The following ATF7IP2 variants were observed in gnomAD, a reference collection of about 807,000 sequenced individuals.
The protein encoded by ATF7IP2 is activating transcription factor 7-interacting protein 2.
ATF7IP2 carries 42 observed loss-of-function variants against 64.2 expected under a neutral mutation model. The observed-to-expected ratio is 0.65, with a 90% CI of 0.51 to 0.85. ATF7IP2 has a LOEUF of 0.85. Ranked by LOEUF, ATF7IP2 falls within the 40% of genes least tolerant of loss-of-function variation. ATF7IP2 has a pLI of 0.00. For synonymous variants in ATF7IP2, 308 were observed against 272.8 expected (o/e 1.13, Z -1.27); for missense variants, 933 against 784.2 (o/e 1.19, Z -2.27).
intron 8 of ATF7IP2, among the ~76,000 whole-genome samples, chr16:10,441,145 T>A (rs1473207717): frequency 6.6e-6 from 1 of 152,244 alleles, no homozygotes; most frequent in African/African-American, 2.4e-5. Flanking sequence ...TTATCCAGTC[T>A]ATCATTGACG....
chr16:10,461,155 A>G (rs2049361486), intron 9 of ATF7IP2, among the ~76,000 whole-genome samples: 1 of 152,164 alleles, frequency 6.6e-6, no homozygotes, highest in Non-Finnish European at 1.5e-5. Flanking sequence ...ATCATTTCAT[A>G]TCAGGTAAGG....
chr16:10,435,947 A>G (rs1352691981), intron 6 of ATF7IP2, among the ~76,000 whole-genome samples: 1 of 152,154 alleles, frequency 6.6e-6, no homozygotes, highest in Non-Finnish European at 1.5e-5. Flanking sequence ...AAAGATTTAG[A>G]TTTGTTTCTC....
At chr16:10,396,759 C>T (rs1289567081) in intron 1 of ATF7IP2, among the ~76,000 whole-genome samples, 1 of 151,904 alleles carries the variant, frequency 6.6e-6, no homozygotes, top group African/African-American at 2.4e-5. Context: ...GGTGATGCTC[C>T]TGCTTCAGCT....
At chr16:10,392,889 G>C (rs1028437131) in intron 1 of ATF7IP2, among the ~76,000 whole-genome samples, 1 of 151,852 alleles carries the variant, frequency 6.6e-6, no homozygotes, top group Non-Finnish European at 1.5e-5. Flanking sequence ...TGAAGGGTCA[G>C]GTTAGAGTCT....
chr16:10,418,302 C>T (rs2047919327), intron 2 of ATF7IP2, among the ~76,000 whole-genome samples: 1 of 152,356 alleles, frequency 6.6e-6, no homozygotes, highest in Non-Finnish European at 1.5e-5. Flanking sequence ...GGTAAACCAA[C>T]AACCTTCAGC....
intron 12 of ATF7IP2, 148 bp downstream of exon 12, chr16:10,474,137 A>T (rs2049915286): frequency 1.8e-6 from 1 of 551,242 alleles, no homozygotes; most frequent in Admixed American, 3.3e-5. Context: ...GTGCAGATTC[A>T]TGTAACTGCC....
intron 8 of ATF7IP2, chr16:10,448,643 T>C (rs2048887636): frequency 6.6e-6 from 1 of 152,222 alleles, no homozygotes; most frequent in Non-Finnish European, 1.5e-5. Context: ...GCTTATCAGC[T>C]TAAGGAGATT....
chr16:10,459,789 C>A (rs139547677), intron 9 of ATF7IP2, among the ~76,000 whole-genome samples: 181 of 152,256 alleles, frequency 1.2e-3, no homozygotes, highest in Non-Finnish European at 1.9e-3. Flanking sequence ...GAGGTAACTT[C>A]TTTAATCTGA....
Position 10,483,129 on chromosome 16 carries a change from A to T in ATF7IP2, c.*880A>T, listed in dbSNP as rs1238346355. The T allele has an allele frequency of 2.0e-5, 3 of 152,158 alleles. No individual in the cohort carries two copies. The highest frequency in any genetic ancestry group is 7.2e-5 in the African/African-American group (3 of 41,426). 9.4% of individuals were successfully genotyped at this position (152,158 alleles called of 1,614,324 possible). ...TGTTTTGTTTTGCACTTTGTCAATC[A>T]TTTGGGGAAATAGCCTGGAGGTCTT... On this transcript the variant is annotated 3_prime_UTR_variant, in exon 14 of 14. Transcript: ENST00000562102.
In ATF7IP2 at chr16:10,444,398, G is replaced by T. The variant is rs192051773; in HGVS notation, c.1194+3936G>T. Among the ~76,000 whole-genome samples the T allele has an allele frequency of 2.6e-5, 4 of 152,186 alleles. 1 individual carries two copies. Among genetic ancestry groups the T allele is most frequent in the African/African-American group, 9.6e-5 (4 of 41,530 alleles). On this transcript the variant is annotated intron_variant, in intron 8 of 13. Coordinates refer to ENST00000562102, the MANE Select transcript of ATF7IP2 (RefSeq NM_001393719.1). ...AGGGGCACTAGATAAGGTCTCCCAG[G>T]TTGGTTCGAGTTTTTCTTCTTTCCA...
intron 3 of ATF7IP2, among the ~76,000 whole-genome samples, chr16:10,425,229 T>G (rs974901516): frequency 6.6e-6 from 1 of 150,850 alleles, no homozygotes; most frequent in Non-Finnish European, 1.5e-5. Flanking sequence ...TGGCTAGTTT[T>G]TTTTTTTTTT....
intron 8 of ATF7IP2, chr16:10,445,851 G>C (rs541667221): frequency 6.6e-6 from 1 of 152,258 alleles, no homozygotes; most frequent in South Asian, 2.1e-4. Context: ...TTGTGAACTA[G>C]GTCTTGACCT....
intron 1 of ATF7IP2, among the ~76,000 whole-genome samples, chr16:10,402,842 G>A (rs1451504425): frequency 2.6e-5 from 4 of 151,638 alleles, no homozygotes; most frequent in Non-Finnish European, 4.4e-5. Context: ...GGGAGGCTGA[G>A]GCAGCAGGTT....
intron 6 of ATF7IP2, among the ~76,000 whole-genome samples, chr16:10,434,420 G>A (rs59112484): frequency 0.15 from 23,462 of 151,972 alleles, 2,036 homozygotes; most frequent in African/African-American, 0.23. Flanking sequence ...AAATTTCCCC[G>A]TCTAAACTAC....
chr16:10,431,809 T>C (rs988315014), intron 5 of ATF7IP2, among the ~76,000 whole-genome samples: 1 of 150,218 alleles, frequency 6.7e-6, no homozygotes, highest in African/African-American at 2.4e-5. Context: ...AAATTGTTGG[T>C]AACCCTATTT....
intron 1 of ATF7IP2, among the ~76,000 whole-genome samples, chr16:10,400,591 A>G (rs1007766981): frequency 1.3e-5 from 2 of 152,010 alleles, no homozygotes; most frequent in African/African-American, 4.8e-5. Context: ...GATTCTTTCA[A>G]CCTTTCTTGA....
In ATF7IP2 at chr16:10,482,329, TA is replaced by T; in HGVS notation, c.*84del. On this transcript the variant is annotated 3_prime_UTR_variant, in exon 14 of 14. Coordinates refer to ENST00000562102, the MANE Select transcript of ATF7IP2 (RefSeq NM_001393719.1). ...GTTACTGTAATACTATTTGCCATTGTAAAAGGCCAGCTCAGATTGTGAGCCC... is the reference window on the plus strand; with the variant it reads ...GTTACTGTAATACTATTTGCCATTGTAAAGGCCAGCTCAGATTGTGAGCCC... 9.0e-7 allele frequency: 1 copy of T among 1,112,482 alleles called. No homozygotes were observed. Among genetic ancestry groups the T allele is most frequent in the East Asian group, 2.4e-5 (1 of 41,390 alleles). 68.9% of individuals were successfully genotyped at this position (1,112,482 alleles called of 1,614,324 possible). A position where few individuals can be genotyped will look rare whatever the true frequency, so the allele number is the denominator to read the frequency against.
In ATF7IP2 at chr16:10,438,123, A is replaced by C. The variant is rs78000639; in HGVS notation, c.983A>C (p.Glu328Ala). The C allele has an allele frequency of 7.5e-5, 117 of 1,563,194 alleles. 1 individual carries two copies. In the East Asian group the frequency reaches 2.8e-3, roughly 37 times the overall value. Residue 328 changes from glutamate to alanine, a missense_variant, in exon 7 of 14, where the codon GAG (glutamate) becomes GCG (alanine). By Grantham distance (107) the Glu-to-Ala change is moderately radical. Coordinates refer to ENST00000562102, the MANE Select transcript of ATF7IP2 (RefSeq NM_001393719.1). ...TAGGTCAGACATTTGATTCAGCAGG[A>C]GATCTATAGCATAAATTATGAACTA... The part of the protein sequence containing the change: ...LEQVRHLIQQ[E>A]IYSINYELFD...
At chr16:10,401,145 C>T (rs1161042021) in intron 1 of ATF7IP2, among the ~76,000 whole-genome samples, 2 of 152,000 alleles carry the variant, frequency 1.3e-5, no homozygotes, top group African/African-American at 2.4e-5. Flanking sequence ...GTATAAAACC[C>T]GCTTGATTAT....
Sources: allele counts gnomAD v4.1 joint callset (sites outside exome capture counted in the v4.1 genomes callset), GRCh38; gene constraint gnomAD v4.1.1; transcripts MANE v1.5; gene names NCBI Gene and HGNC (gene_info 2026-07-23, HGNC 2026-07-21).